The following CACNA2D3 variants were observed in gnomAD, a reference collection of about 807,000 sequenced individuals.
The protein encoded by CACNA2D3 is voltage-dependent calcium channel subunit alpha-2/delta-3.
Under a neutral mutation model 160.6 loss-of-function variants are expected in CACNA2D3, and 60 were observed. The ratio of observed to expected loss-of-function variants is 0.37; its 90% CI spans 0.30 to 0.46. The LOEUF (loss-of-function observed/expected upper bound fraction) is 0.46. CACNA2D3 is among the 20% of genes least tolerant of loss of function. The pLI, the probability that CACNA2D3 is intolerant of heterozygous loss-of-function variation, is 1.00. For missense variants in CACNA2D3, 1,205 were observed against 1,365.0 expected (o/e 0.88, Z 1.85); for synonymous variants, 558 against 492.9 (o/e 1.13, Z -1.75).
intron 11 of CACNA2D3, among the ~76,000 whole-genome samples, chr3:54,740,362 T>C (rs187275432): frequency 1.6e-4 from 24 of 152,270 alleles, no homozygotes; most frequent in African/African-American, 4.8e-4. Context: ...CTCAGGAACA[T>C]TGACTTGCCT....
chr3:54,123,038 GAGA>G (rs1220103828), intron 1 of CACNA2D3, among the ~76,000 whole-genome samples: 2 of 152,180 alleles, frequency 1.3e-5, no homozygotes, highest in African/African-American at 4.8e-5. Context: ...GTTGCCGAGT[GAGA>G]TCTGGAGAGG....
At chr3:54,811,750 C>G (rs757216445) in intron 13 of CACNA2D3, among the ~76,000 whole-genome samples, 76 of 152,190 alleles carry the variant, frequency 5.0e-4, no homozygotes, top group Non-Finnish European at 8.1e-4. Context: ...ATCTGCTCAC[C>G]TCGGCCTCCC....
At chr3:54,953,504 T>A (rs1701808626) in intron 27 of CACNA2D3, among the ~76,000 whole-genome samples, 1 of 152,202 alleles carries the variant, frequency 6.6e-6, no homozygotes, top group Non-Finnish European at 1.5e-5. Context: ...GGTGGTCAGA[T>A]GGCCCATGCT....
chr3:54,152,320 T>C (rs1482909632), intron 2 of CACNA2D3, among the ~76,000 whole-genome samples: 3 of 152,244 alleles, frequency 2.0e-5, no homozygotes, highest in African/African-American at 7.2e-5. Context: ...ATTGGGTGTG[T>C]GCCTGTTTCT....
At position 54,461,052 on chromosome 3, in the gene CACNA2D3, G is replaced by T. The variant is rs904101931; in HGVS notation, c.382-42440G>T. Among the ~76,000 whole-genome samples the T allele has an allele frequency of 5.8e-4, 88 of 152,054 alleles. 1 individual carries two copies. Among genetic ancestry groups the T allele is most frequent in the African/African-American group, 2.0e-3 (85 of 41,474 alleles). On this transcript the variant is annotated intron_variant, in intron 4 of 37. Transcript: ENST00000474759. ...AGATAATCATGTTGTTTTTGTCTTTGGTTCTGTTTATATGCTGGATTACAT... is the reference window on the plus strand; with the variant it reads ...AGATAATCATGTTGTTTTTGTCTTTTGTTCTGTTTATATGCTGGATTACAT...
At chr3:54,984,573 GT>G (rs771978163) in intron 29 of CACNA2D3, 34 bp from the exon 30 acceptor site, 15 of 1,315,136 alleles carry the variant, frequency 1.1e-5, no homozygotes, top group South Asian at 2.6e-5. Context: ...AGTTGAAGCT[GT>G]TTTTTTGTTT....
chr3:54,811,845 C>T (rs562354207), intron 13 of CACNA2D3, among the ~76,000 whole-genome samples: 5 of 152,330 alleles, frequency 3.3e-5, no homozygotes, highest in Admixed American at 1.3e-4. Context: ...GGTCACCGGC[C>T]TTCCTTCTCA....
At chr3:54,934,968 C>T (rs1399185086) in intron 27 of CACNA2D3, among the ~76,000 whole-genome samples, 1 of 152,192 alleles carries the variant, frequency 6.6e-6, no homozygotes, top group Non-Finnish European at 1.5e-5. Flanking sequence ...GAACTCCTGA[C>T]CTCAAGTGAT....
chr3:54,434,217 G>T (rs1700029392), intron 4 of CACNA2D3, among the ~76,000 whole-genome samples: 1 of 152,204 alleles, frequency 6.6e-6, no homozygotes, highest in Admixed American at 6.5e-5. Flanking sequence ...TGCAAGTTGG[G>T]GGTAGTCAGC....
intron 2 of CACNA2D3, among the ~76,000 whole-genome samples, chr3:54,170,745 A>C (rs1052667303): frequency 6.6e-6 from 1 of 152,198 alleles, no homozygotes; most frequent in African/African-American, 2.4e-5. Flanking sequence ...TTTTATATAA[A>C]GTCTGGCAAG....
At chr3:54,461,074 A>G (rs1292767767) in intron 4 of CACNA2D3, among the ~76,000 whole-genome samples, 7 of 152,048 alleles carry the variant, frequency 4.6e-5, no homozygotes, top group African/African-American at 1.7e-4. Flanking sequence ...ATGCTGGATT[A>G]CATTTATTGA....
intron 21 of CACNA2D3, among the ~76,000 whole-genome samples, chr3:54,884,975 G>T (rs1045649734): frequency 9.2e-5 from 14 of 152,152 alleles, no homozygotes; most frequent in African/African-American, 3.4e-4. Context: ...CTAAAGTCCT[G>T]TTAAGCTTCT....
At chr3:54,773,578 A>G (rs912787311) in intron 13 of CACNA2D3, among the ~76,000 whole-genome samples, 1 of 152,218 alleles carries the variant, frequency 6.6e-6, no homozygotes, top group African/African-American at 2.4e-5. Flanking sequence ...CATGTGGAGC[A>G]TGCTGTGACA....
At chr3:55,004,971 TAAAAAA>T (rs56926640) in intron 32 of CACNA2D3, 133 bp downstream of exon 32, 9 of 510,210 alleles carry the variant, frequency 1.8e-5, no homozygotes, top group Middle Eastern at 6.4e-4. Flanking sequence ...TTTACTCACT[TAAAAAA>T]AAAAAAAAAC....
chr3:54,173,508 C>G (rs1430927896), intron 2 of CACNA2D3, among the ~76,000 whole-genome samples: 2 of 152,184 alleles, frequency 1.3e-5, no homozygotes, highest in East Asian at 3.8e-4. Flanking sequence ...CACACAGAAC[C>G]AGGCTGCTTG....
intron 3 of CACNA2D3, among the ~76,000 whole-genome samples, chr3:54,338,326 G>T (rs573459486): frequency 6.6e-6 from 1 of 152,332 alleles, no homozygotes; most frequent in South Asian, 2.1e-4. Context: ...ACTGCCACAT[G>T]TGTGCTCTTT....
intron 14 of CACNA2D3, 44 bp downstream of exon 14, chr3:54,816,914 G>C (rs371604526): frequency 6.2e-7 from 1 of 1,605,878 alleles, no homozygotes; most frequent in Non-Finnish European, 8.5e-7. Context: ...CAGAACTCAC[G>C]AGTCATGCAT....
intron 9 of CACNA2D3, among the ~76,000 whole-genome samples, chr3:54,593,083 C>CAAATACCCACTTTTATTCAATTCA (rs1486107031): frequency 6.6e-6 from 1 of 152,094 alleles, no homozygotes; most frequent in Non-Finnish European, 1.5e-5. Flanking sequence ...GCAGAGAGAA[C>CAAATACCCACTTTTATTCAATTCA]AAATACCCAC....
chr3:54,334,740 A>G (rs751576196), intron 3 of CACNA2D3, among the ~76,000 whole-genome samples: 2 of 152,236 alleles, frequency 1.3e-5, no homozygotes, highest in Non-Finnish European at 2.9e-5. Context: ...ATGAGCAAAC[A>G]TGGGTCTGGC....
Sources: allele counts gnomAD v4.1 joint callset (sites outside exome capture counted in the v4.1 genomes callset), GRCh38; gene constraint gnomAD v4.1.1; transcripts MANE v1.5; gene names NCBI Gene and HGNC (gene_info 2026-07-23, HGNC 2026-07-21).